Variants in EXOC3 observed in about 807,000 individuals in gnomAD.
EXOC3 encodes the protein SEC6-like 1.
A neutral mutation model predicts 73.7 loss-of-function variants in EXOC3; 21 were observed. That is an observed-to-expected ratio of 0.29 (90% confidence interval 0.20 to 0.41). The LOEUF (loss-of-function observed/expected upper bound fraction) is 0.41, where lower values mean the gene tolerates loss of function less well. Ranked by LOEUF, EXOC3 falls within the 10% of genes least tolerant of loss-of-function variation. The probability of loss-of-function intolerance (pLI) is 1.00; values close to 1 mark genes in which losing one functional copy is unlikely to be tolerated. For synonymous variants in EXOC3, 410 were observed against 389.1 expected (o/e 1.05, Z -0.63); for missense variants, 842 against 985.1 (o/e 0.85, Z 1.95).
chr5:443,238 C>CGGG lies in EXOC3; in HGVS notation c.-107_-106insGGG, dbSNP rs1032609508. ...GCGGAGGGGGCGGCGGGGGCGGCGGCGGCGGCGGCGGCGGCGGCGGCGGCG... is the reference window on the plus strand; with the variant it reads ...GCGGAGGGGGCGGCGGGGGCGGCGGCGGGGGCGGCGGCGGCGGCGGCGGCGGCG... On this transcript the variant is annotated 5_prime_UTR_variant, in exon 1 of 13. Transcript: ENST00000512944. The CGGG allele has an allele frequency of 7.9e-4, 2 of 2,546 alleles. No individual in the cohort carries two copies. Among genetic ancestry groups the CGGG allele is most frequent in the African/African-American group, 0.01 (2 of 192 alleles). 0.2% of individuals were successfully genotyped at this position (2,546 alleles called of 1,614,324 possible).
chr5:458,114 T>A lies in EXOC3; in HGVS notation c.1290+89T>A, dbSNP rs958800832. The A allele has an allele frequency of 2.9e-6, 4 of 1,367,498 alleles. No homozygotes were observed. In the Admixed American group the frequency reaches 6.7e-5, roughly 23 times the overall value. The allele number at this position is 1,367,498 out of a possible 1,614,324, so 84.7% of individuals were successfully genotyped here. On this transcript the variant is annotated intron_variant, in intron 6 of 12. Coordinates refer to ENST00000512944, the MANE Select transcript of EXOC3 (RefSeq NM_007277.5). ...TACAAAGTGACACAGATACCTGGGA[T>A]CTTCATCCACAGAGTGTAGTAAAAA... is the stretch of plus-strand genomic sequence containing the variant.
intron 10 of EXOC3, 55 bp downstream of exon 10, chr5:464,467 A>T (rs775779509): frequency 3.1e-6 from 5 of 1,588,868 alleles, no homozygotes; most frequent in Non-Finnish European, 4.3e-6. Context: ...CTCACCTCTC[A>T]CCCTGCTCAG....
rs1028731246 is a variant in EXOC3, at chr5:464,140, G to A, written c.1654-150G>A. 1.0e-4 allele frequency: 67 copies of A among 656,382 alleles called. No homozygotes were observed. The African/African-American group carries it at 1.1e-3, about 11-fold the overall frequency. The allele number at this position is 656,382 out of a possible 1,614,324, so 40.7% of individuals were successfully genotyped here. ...CCCTCCCACGCTGCACGCAGCTCTCGTGGGGCGTTGAGGTGAGGAAGTGCC... is the reference window on the plus strand; with the variant it reads ...CCCTCCCACGCTGCACGCAGCTCTCATGGGGCGTTGAGGTGAGGAAGTGCC... On this transcript the variant is annotated intron_variant, in intron 9 of 12. Coordinates refer to ENST00000512944, the MANE Select transcript of EXOC3 (RefSeq NM_007277.5).
At chr5:463,625 C>A (rs1560940603) in intron 9 of EXOC3, among the ~76,000 whole-genome samples, 1 of 152,170 alleles carries the variant, frequency 6.6e-6, no homozygotes, top group Non-Finnish European at 1.5e-5. Flanking sequence ...GTAACTTTTA[C>A]TGGAGTTTTA....
At chr5:459,250 C>T in intron 6 of EXOC3, 109 bp from the exon 7 acceptor site, 1 of 344,074 alleles carries the variant, frequency 2.9e-6, no homozygotes, top group Non-Finnish European at 5.2e-6. Flanking sequence ...TGAATTTGGA[C>T]TATCCTAAAT....
intron 9 of EXOC3, among the ~76,000 whole-genome samples, chr5:463,369 C>T (rs1041470165): frequency 2.6e-5 from 4 of 152,134 alleles, no homozygotes; most frequent in East Asian, 1.9e-4. Context: ...AAGACATGAA[C>T]GGCCACCTCA....
rs764964318 is a variant in EXOC3 at position 453,338 on chromosome 5, T to A, written c.365-32T>A. On this transcript the variant is annotated intron_variant, in intron 3 of 12. Coordinates refer to ENST00000512944, the MANE Select transcript of EXOC3 (RefSeq NM_007277.5). ...AGGCAGCCTTTTATGTGGTGGTGGTTGTTTATGTTGTGTCTTGTGCCTTCT... is the reference window on the plus strand; with the variant it reads ...AGGCAGCCTTTTATGTGGTGGTGGTAGTTTATGTTGTGTCTTGTGCCTTCT... 3 of 1,515,000 alleles carry A rather than the reference T, an allele frequency of 2.0e-6. No individual in the cohort carries two copies. The East Asian group carries it at 7.4e-5, about 37-fold the overall frequency. The allele number at this position is 1,515,000 out of a possible 1,614,324, so 93.8% of individuals were successfully genotyped here.
At position 455,667 on chromosome 5, in the gene EXOC3, AT is replaced by A. The variant is rs201235733; in HGVS notation, c.1047-1217del. On this transcript the variant is annotated intron_variant, in intron 4 of 12. Coordinates refer to ENST00000512944, the MANE Select transcript of EXOC3 (RefSeq NM_007277.5). Reference sequence around the variant, plus strand: ...GACTTAAAAAAACTTTTTAATTTTAATTTTTGTGGGTACATAGTAGGTGTAT... The same window carrying A: ...GACTTAAAAAAACTTTTTAATTTTAATTTTGTGGGTACATAGTAGGTGTAT... 7.6e-3 allele frequency among the ~76,000 whole-genome samples: 1,159 copies of A among 152,260 alleles called. 48 individuals carry two copies. The highest frequency in any genetic ancestry group is 0.062 in the Admixed American group (943 of 15,292).
At position 453,558 on chromosome 5, in the gene EXOC3, G is replaced by A. The variant is rs1457115309; in HGVS notation, c.553G>A (p.Asp185Asn). The A allele has an allele frequency of 6.2e-7, 1 of 1,614,056 alleles. No individual in the cohort carries two copies. The highest frequency in any genetic ancestry group is 1.1e-5 in the South Asian group (1 of 91,086). ...CTTTGGCAGCACGCAGGGGCTCTCTGATGAGCTGGCTAAGCAGCTGTGGAT... is the reference window on the plus strand; with the variant it reads ...CTTTGGCAGCACGCAGGGGCTCTCTAATGAGCTGGCTAAGCAGCTGTGGAT... ...GYFGSTQGLS[D>N]ELAKQLWMVL... The change falls in exon 4 of 13, where the codon GAT (aspartate) becomes AAT (asparagine). Residue 185 changes from aspartate (D) to asparagine (N), a missense_variant. By Grantham distance (23) the Asp-to-Asn change is conservative. Transcript: ENST00000512944.
At chr5:450,286 C>G (rs934621249) in intron 3 of EXOC3, among the ~76,000 whole-genome samples, 1 of 152,134 alleles carries the variant, frequency 6.6e-6, no homozygotes, top group Non-Finnish European at 1.5e-5. Flanking sequence ...CTTATGTTTC[C>G]TTTTTTGCCC....
intron 3 of EXOC3, among the ~76,000 whole-genome samples, chr5:448,713 G>A (rs549550083): frequency 9.2e-5 from 14 of 152,194 alleles, no homozygotes; most frequent in Non-Finnish European, 1.0e-4. Flanking sequence ...TGCCCACAGC[G>A]CACCTTGGTA....
chr5:446,371 C>A, intron 2 of EXOC3, 22 bp downstream of exon 2: 1 of 1,570,206 alleles, frequency 6.4e-7, no homozygotes, highest in South Asian at 1.2e-5. Context: ...TGCCCCACTC[C>A]CAGGATCTGT....
At chr5:454,580 G>A (rs1036033079) in intron 4 of EXOC3, among the ~76,000 whole-genome samples, 1 of 152,192 alleles carries the variant, frequency 6.6e-6, no homozygotes, top group Non-Finnish European at 1.5e-5. Context: ...GATAGTTCGA[G>A]GAAACTCCAT....
intron 1 of EXOC3, chr5:444,823 A>G: frequency 6.6e-6 from 1 of 152,244 alleles, no homozygotes; most frequent in Non-Finnish European, 1.5e-5. Context: ...GTGAGATTTA[A>G]GGGAAGTTGC....
At chr5:462,110 G>T (rs906305158) in intron 8 of EXOC3, 40 bp downstream of exon 8, 12 of 1,599,930 alleles carry the variant, frequency 7.5e-6, no homozygotes, top group Admixed American at 3.5e-5. Flanking sequence ...AGCGGTGGAG[G>T]CCGGCCTGCC....
rs1276479758 is a variant in EXOC3 at position 453,369 on chromosome 5, G to A, written c.365-1G>A. The A allele has an allele frequency of 6.4e-7, 1 of 1,568,976 alleles. No homozygotes were observed. The highest frequency in any genetic ancestry group is 1.2e-5 in the South Asian group (1 of 85,816). On this transcript the variant is annotated splice_acceptor_variant, in intron 3 of 12. Transcript: ENST00000512944. LOFTEE classifies it high-confidence loss of function. ...TGTTGTGTCTTGTGCCTTCTCCCTA[G>A]TGCCTGAGATTGTGAGGGAGACCCA... is the stretch of plus-strand genomic sequence containing the variant.
rs771248939 is a variant in EXOC3 at position 453,678 on chromosome 5, C to T, written c.673C>T (p.Arg225Cys). The change falls in exon 4 of 13, where the codon CGC becomes TGC. Residue 225 changes from arginine to cysteine, a missense_variant. By Grantham distance (180) the Arg-to-Cys change is radical (BLOSUM62 -3). Coordinates refer to ENST00000512944, the MANE Select transcript of EXOC3 (RefSeq NM_007277.5). ...TGAAAGGGAAGAGAAAATTGACAGG[C>T]GCATACTTGACCGGAAAAAGCAAAC... Reference protein sequence around the residue: ...IIEREEKIDRRILDRKKQTGF... With the variant: ...IIEREEKIDRCILDRKKQTGF... 1.5e-5 allele frequency: 24 copies of T among 1,613,882 alleles called. No individual in the cohort carries two copies. The highest frequency in any genetic ancestry group is 1.9e-5 in the Non-Finnish European group (22 of 1,179,874).
At chr5:451,109 A>G (rs1470356033) in intron 3 of EXOC3, among the ~76,000 whole-genome samples, 1 of 152,094 alleles carries the variant, frequency 6.6e-6, no homozygotes, top group Non-Finnish European at 1.5e-5. Flanking sequence ...TATATGCGGT[A>G]TAACATTTTT....
intron 3 of EXOC3, among the ~76,000 whole-genome samples, chr5:450,572 C>G (rs1368417713): frequency 6.6e-6 from 1 of 152,178 alleles, no homozygotes; most frequent in Non-Finnish European, 1.5e-5. Flanking sequence ...TTCAAGTCCT[C>G]TCTTTCCTTG....
Sources: gnomAD v4.1 joint callset for allele counts (sites outside exome capture counted in the v4.1 genomes callset) on GRCh38, gnomAD v4.1.1 for gene constraint, MANE v1.5 for transcripts, NCBI Gene and HGNC (gene_info 2026-07-23, HGNC 2026-07-21) for gene names.